Variants in TSHZ2 observed in about 807,000 individuals in gnomAD.
TSHZ2 encodes the protein teashirt zinc finger homeobox 2.
A neutral mutation model predicts 74.4 loss-of-function variants in TSHZ2; 21 were observed. The observed-to-expected ratio is 0.28, with a 90% CI of 0.20 to 0.41. TSHZ2 has a LOEUF of 0.41. Among genes scored for constraint, TSHZ2 ranks in the 10% least tolerant of loss-of-function variants. The pLI is 1.00. For synonymous variants in TSHZ2, 540 were observed against 515.3 expected (o/e 1.05, Z -0.65); for missense variants, 1,244 against 1,293.5 (o/e 0.96, Z 0.59).
chr20:53,127,153 T>G (rs538796094), intron 1 of TSHZ2, among the ~76,000 whole-genome samples: 109 of 152,352 alleles, frequency 7.2e-4, no homozygotes, highest in Non-Finnish European at 1.2e-3. Context: ...GATCTGTGTG[T>G]GCATGAAGAT....
At chr20:53,349,534 C>G (rs1369674263) in intron 2 of TSHZ2, among the ~76,000 whole-genome samples, 1 of 151,754 alleles carries the variant, frequency 6.6e-6, no homozygotes, top group African/African-American at 2.4e-5. Flanking sequence ...CACTTGTAGT[C>G]CCAGCTACTC....
chr20:53,308,728 ATTC>A (rs1978651267), intron 2 of TSHZ2, among the ~76,000 whole-genome samples: 1 of 152,150 alleles, frequency 6.6e-6, no homozygotes. Context: ...TGTCTATTTT[ATTC>A]TTCTTTATTT....
chr20:53,339,088 T>A (rs935166185), intron 2 of TSHZ2, among the ~76,000 whole-genome samples: 1 of 152,220 alleles, frequency 6.6e-6, no homozygotes, highest in Non-Finnish European at 1.5e-5. Flanking sequence ...AAACTAGCCA[T>A]GTCACACCTG....
At chr20:53,023,900 G>A (rs978078427) in intron 1 of TSHZ2, among the ~76,000 whole-genome samples, 9 of 152,000 alleles carry the variant, frequency 5.9e-5, no homozygotes, top group African/African-American at 1.9e-4. Flanking sequence ...TGACTTGAGC[G>A]TTTTCCTGAG....
At chr20:53,439,925 G>C (rs948917584) in intron 2 of TSHZ2, among the ~76,000 whole-genome samples, 1 of 152,182 alleles carries the variant, frequency 6.6e-6, no homozygotes, top group African/African-American at 2.4e-5. Flanking sequence ...TGAACACAAA[G>C]TGAAGACTCA....
chr20:53,391,114 A>C (rs1054330983), intron 2 of TSHZ2, among the ~76,000 whole-genome samples: 27 of 93,350 alleles, frequency 2.9e-4, no homozygotes, highest in African/African-American at 9.6e-4. Flanking sequence ...CATATACTAC[A>C]CTTTTGTTTT....
At chr20:53,212,120 C>T (rs1363350703) in intron 1 of TSHZ2, among the ~76,000 whole-genome samples, 2 of 152,152 alleles carry the variant, frequency 1.3e-5, no homozygotes, top group Non-Finnish European at 2.9e-5. Flanking sequence ...ACTGGGGGCC[C>T]AGACAGCACT....
At chr20:53,187,028 T>G (rs1988616026) in intron 1 of TSHZ2, among the ~76,000 whole-genome samples, 1 of 152,188 alleles carries the variant, frequency 6.6e-6, no homozygotes, top group South Asian at 2.1e-4. Context: ...TGTGTGTATA[T>G]AGCCAAAATG....
intron 2 of TSHZ2, among the ~76,000 whole-genome samples, chr20:53,311,037 A>G (rs529089235): frequency 3.2e-4 from 48 of 152,366 alleles, no homozygotes; most frequent in African/African-American, 1.1e-3. Context: ...GGGGTAGACC[A>G]TTGTGCTGAG....
intron 2 of TSHZ2, among the ~76,000 whole-genome samples, chr20:53,371,023 C>T (rs759376351): frequency 5.3e-5 from 8 of 152,126 alleles, no homozygotes; most frequent in Non-Finnish European, 1.2e-4. Context: ...CCTTGGGTTG[C>T]GGCCGCATCG....
chr20:53,209,380 C>T (rs762163603), intron 1 of TSHZ2, among the ~76,000 whole-genome samples: 9 of 152,220 alleles, frequency 5.9e-5, no homozygotes, highest in Non-Finnish European at 1.0e-4. Flanking sequence ...AGCCACTGTG[C>T]GCTGCCAAAA....
At chr20:53,106,082 T>G (rs1442096489) in intron 1 of TSHZ2, among the ~76,000 whole-genome samples, 6 of 152,210 alleles carry the variant, frequency 3.9e-5, no homozygotes. Context: ...ATCTTTAATA[T>G]TGTGGGAGGA....
intron 2 of TSHZ2, among the ~76,000 whole-genome samples, chr20:53,334,715 G>A (rs1016239410): frequency 2.0e-5 from 3 of 151,410 alleles, no homozygotes; most frequent in Non-Finnish European, 4.4e-5. Flanking sequence ...TTTTTTTTGA[G>A]GCAGAGTCTC....
intron 1 of TSHZ2, among the ~76,000 whole-genome samples, chr20:53,190,086 A>AATTATATAT: frequency 4.0e-5 from 1 of 25,104 alleles, no homozygotes; most frequent in South Asian, 1.5e-3. Flanking sequence ...CCCTGTCTCA[A>AATTATATAT]ATATATATAT....
intron 2 of TSHZ2, among the ~76,000 whole-genome samples, chr20:53,387,844 C>T (rs1412747948): frequency 7.9e-5 from 12 of 152,028 alleles, no homozygotes; most frequent in Admixed American, 6.6e-4. Context: ...CTCAGGAGTT[C>T]GAGACCAGCC....
chr20:53,370,355 G>A (rs572952597), intron 2 of TSHZ2, among the ~76,000 whole-genome samples: 65 of 152,258 alleles, frequency 4.3e-4, no homozygotes, highest in Admixed American at 5.9e-4. Context: ...CAGTTTCTCC[G>A]TGGAAAGTCT....
intron 2 of TSHZ2, among the ~76,000 whole-genome samples, chr20:53,406,684 C>A (rs1421495101): frequency 6.6e-6 from 1 of 152,120 alleles, no homozygotes; most frequent in Admixed American, 6.6e-5. Context: ...TAGAAGTGAG[C>A]AAAGCAGGCA....
intron 1 of TSHZ2, among the ~76,000 whole-genome samples, chr20:52,994,417 G>A (rs1186716192): frequency 2.1e-5 from 3 of 143,874 alleles, no homozygotes; most frequent in South Asian, 2.1e-4. Context: ...TGGATGAGTA[G>A]ATGGATGGAT....
chr20:53,132,379 T>A (rs1987129011), intron 1 of TSHZ2, among the ~76,000 whole-genome samples: 1 of 151,148 alleles, frequency 6.6e-6, no homozygotes, highest in African/African-American at 2.5e-5. Context: ...TGGCACCATC[T>A]TGGCTCACTG....
Sources: gnomAD v4.1 joint callset for allele counts (sites outside exome capture counted in the v4.1 genomes callset) on GRCh38, gnomAD v4.1.1 for gene constraint, MANE v1.5 for transcripts, NCBI Gene and HGNC (gene_info 2026-07-23, HGNC 2026-07-21) for gene names.